Variants in LIMS2 observed in about 807,000 individuals in gnomAD.
LIMS2 encodes LIM zinc finger domain containing 2.
In LIMS2, 30 loss-of-function variants were observed where a neutral mutation model predicts 45.3. The ratio of observed to expected loss-of-function variants is 0.66; its 90% CI spans 0.50 to 0.90. The LOEUF is 0.90. Among genes scored for constraint, LIMS2 ranks in the 40% least tolerant of loss-of-function variants. LIMS2 has a pLI of 0.00. For missense variants in LIMS2, 485 were observed against 468.7 expected (o/e 1.03, Z -0.32); for synonymous variants, 173 against 188.0 (o/e 0.92, Z 0.65).
Position 127,664,696 on chromosome 2 carries a change from G to A in LIMS2, c.12-7134C>T, listed in dbSNP as rs1684912813. The A allele has an allele frequency of 2.4e-6, 2 of 834,224 alleles. No individual in the cohort carries two copies. Among genetic ancestry groups the A allele is most frequent in the Non-Finnish European group, 3.0e-6 (2 of 674,282 alleles). The allele number at this position is 834,224 out of a possible 1,614,324, so 51.7% of individuals were successfully genotyped here. On this transcript the variant is annotated intron_variant, in intron 1 of 9. Transcript: ENST00000355119. This position sits in a 1 kb window ranked among gnomAD's most constrained non-coding sequence, Gnocchi z 5.5. ...GGAAGGCCCCAGACAGCACTGAGGT[G>A]AGGTCCACAGTGGCGGCAGGACACC... is the stretch of plus-strand genomic sequence containing the variant.
chr2:127,677,862 AC>A (rs919397237), upstream of LIMS2, among the ~76,000 whole-genome samples: 30 of 152,218 alleles, frequency 2.0e-4, no homozygotes, highest in African/African-American at 7.2e-4. The surrounding 1 kb of genome is among the most constrained non-coding windows in gnomAD (Gnocchi z 5.0). Flanking sequence ...GGTCTATTAC[AC>A]CCCGGACTGC....
At chr2:127,644,145 T>C (rs1482721648) in intron 4 of LIMS2, 1 of 456,072 alleles carries the variant, frequency 2.2e-6, no homozygotes. Context: ...CATCATCAGC[T>C]GTGTGCAGGG....
At chr2:127,675,877 G>T (rs553461003), upstream of LIMS2, among the ~76,000 whole-genome samples, 126 of 152,344 alleles carry the variant, frequency 8.3e-4, no homozygotes, top group Non-Finnish European at 1.4e-3. Flanking sequence ...GGGAAATTCC[G>T]ATTTCATCCC....
chr2:127,640,762 G>A (rs1682322571), intron 7 of LIMS2, 134 bp downstream of exon 7: 1 of 752,764 alleles, frequency 1.3e-6, no homozygotes, highest in African/African-American at 1.7e-5. Context: ...CCAGGAGCCA[G>A]GGCTGAGGGT....
rs1173758518 is a variant in LIMS2, at chr2:127,653,960, G to A, written c.359+464C>T. On this transcript the variant is annotated intron_variant, in intron 4 of 9. Transcript: ENST00000355119. The surrounding 1 kb of genome is among the most constrained non-coding windows in gnomAD (Gnocchi z 5.3). ...TCTCAGAGCTAGGGCCAGGGGAGGTGGGAGACAAGGCCACCTGCTATAGGG... is the reference window on the plus strand; with the variant it reads ...TCTCAGAGCTAGGGCCAGGGGAGGTAGGAGACAAGGCCACCTGCTATAGGG... Among the ~76,000 whole-genome samples, 1 of 152,076 alleles carries A rather than the reference G, an allele frequency of 6.6e-6. No individual in the cohort carries two copies. Among genetic ancestry groups the A allele is most frequent in the East Asian group, 1.9e-4 (1 of 5,178 alleles).
chr2:127,649,984 C>T (rs761838233), intron 4 of LIMS2: 6 of 1,595,702 alleles, frequency 3.8e-6, no homozygotes, highest in Non-Finnish European at 5.1e-6. Flanking sequence ...CAGGCTTCTC[C>T]TAAACACAGG....
At chr2:127,650,318 C>T in intron 4 of LIMS2, 1 of 564,622 alleles carries the variant, frequency 1.8e-6, no homozygotes, top group East Asian at 3.0e-5. Context: ...TGCCCCCGCC[C>T]CTCACCACCC....
intron 1 of LIMS2, among the ~76,000 whole-genome samples, chr2:127,661,369 A>T (rs949203380): frequency 6.6e-6 from 1 of 152,258 alleles, no homozygotes; most frequent in African/African-American, 2.4e-5. Context: ...AGCGCTGGAT[A>T]AGGAGAACTG....
In LIMS2 at chr2:127,642,350, T is replaced by G; in HGVS notation, c.510-151A>C. ...AGCGCCTTCTGATCTCTGGGCACTT[T>G]GAAGACTTCCTGTGCCCCAGACAGG... On this transcript the variant is annotated intron_variant, in intron 5 of 9. Coordinates refer to ENST00000355119, the MANE Select transcript of LIMS2 (RefSeq NM_001161403.3). The surrounding 1 kb of genome is among the most constrained non-coding windows in gnomAD (Gnocchi z 5.3). 1.2e-6 allele frequency: 1 copy of G among 859,380 alleles called. No homozygotes were observed. Among genetic ancestry groups the G allele is most frequent in the Non-Finnish European group, 1.7e-6 (1 of 588,206 alleles). 53.2% of individuals were successfully genotyped at this position (859,380 alleles called of 1,614,324 possible). A position where few individuals can be genotyped will look rare whatever the true frequency, so the allele number is the denominator to read the frequency against.
chr2:127,659,123 G>A (rs759194244), intron 1 of LIMS2, among the ~76,000 whole-genome samples: 42 of 152,280 alleles, frequency 2.8e-4, no homozygotes, highest in East Asian at 1.9e-3. Context: ...AGGCTGCTGC[G>A]AAATGGAGAT....
At chr2:127,655,461 G>A (rs1346816385) in intron 2 of LIMS2, 2 of 159,074 alleles carry the variant, frequency 1.3e-5, no homozygotes, top group Non-Finnish European at 2.8e-5. Flanking sequence ...GGCCACAAGC[G>A]GGGCCAAAGC....
intron 1 of LIMS2, among the ~76,000 whole-genome samples, chr2:127,658,326 G>A (rs1351123669): frequency 6.6e-6 from 1 of 152,228 alleles, no homozygotes; most frequent in African/African-American, 2.4e-5. Context: ...TTGAGCCTGG[G>A]AGGCCGAGGC....
In LIMS2 at chr2:127,664,350, C is replaced by T; in HGVS notation, c.12-6788G>A. On this transcript the variant is annotated intron_variant, in intron 1 of 9. Transcript: ENST00000355119. The surrounding 1 kb of genome is among the most constrained non-coding windows in gnomAD (Gnocchi z 5.5). ...TCTGCCGGTGCTGGCGCCGCCGGTA[C>T]AGCCCCGACGCGGCCAGCGCACCCA... 4.9e-6 allele frequency: 6 copies of T among 1,224,548 alleles called. No individual in the cohort carries two copies. Among genetic ancestry groups the T allele is most frequent in the Non-Finnish European group, 6.1e-6 (6 of 983,688 alleles). The allele number at this position is 1,224,548 out of a possible 1,614,324, so 75.9% of individuals were successfully genotyped here. A position where few individuals can be genotyped will look rare whatever the true frequency, so the allele number is the denominator to read the frequency against.
intron 4 of LIMS2, chr2:127,645,947 C>G (rs1047182702): frequency 6.5e-6 from 1 of 152,680 alleles, no homozygotes; most frequent in Non-Finnish European, 1.5e-5. Flanking sequence ...CAGTCACACA[C>G]TCAGACTATG....
chr2:127,642,197 T>C lies in LIMS2; in HGVS notation c.512A>G (p.Lys171Arg). ...CTCGCGGGCCTCGGCTGTCAGCTCC[T>C]TCCTGGAAGACAGCGTGCAGCCCCC... ...PDHFNCTHCG[K>R]ELTAEARELK... The change falls in exon 6 of 10, where the codon AAG becomes AGG. Residue 171 changes from lysine (K) to arginine (R), a missense_variant and splice_region_variant. By Grantham distance (26) the Lys-to-Arg change is conservative. Coordinates refer to ENST00000355119, the MANE Select transcript of LIMS2 (RefSeq NM_001161403.3). This position sits in a 1 kb window ranked among gnomAD's most constrained non-coding sequence, Gnocchi z 5.3. 1 of 1,552,014 alleles carries C rather than the reference T, an allele frequency of 6.4e-7. No homozygotes were observed. The highest frequency in any genetic ancestry group is 1.2e-5 in the South Asian group (1 of 84,310).
chr2:127,680,441 A>G (rs903709164), upstream of LIMS2, among the ~76,000 whole-genome samples: 1 of 152,200 alleles, frequency 6.6e-6, no homozygotes, highest in African/African-American at 2.4e-5. Context: ...CAGCAGAGCA[A>G]TCTCCTGTCT....
chr2:127,666,673 T>C (rs1231397646), intron 1 of LIMS2, among the ~76,000 whole-genome samples: 2 of 144,948 alleles, frequency 1.4e-5, no homozygotes, highest in Non-Finnish European at 3.0e-5. Context: ...TGAGACTCGG[T>C]AAATTATAAA....
At position 127,640,932 on chromosome 2, in the gene LIMS2, C is replaced by G; in HGVS notation, c.717G>C (p.Lys239Asn). 6.2e-7 allele frequency: 1 copy of G among 1,613,990 alleles called. No individual in the cohort carries two copies. Among genetic ancestry groups the G allele is most frequent in the Non-Finnish European group, 8.5e-7 (1 of 1,179,950 alleles). Reference sequence around the variant, plus strand: ...GAGTCTCGCAGTAGGCCAGGCCCTTCTTCTCATAGTGCCGGTGCCCCAGGA... The same window carrying G: ...GAGTCTCGCAGTAGGCCAGGCCCTTGTTCTCATAGTGCCGGTGCCCCAGGA... ...KPFLGHRHYE[K>N]KGLAYCETHY... is the part of the protein sequence containing the mutation. The change falls in exon 7 of 10, where the codon AAG (lysine) becomes AAC (asparagine). Residue 239 changes from lysine to asparagine, a missense_variant. Transcript: ENST00000355119.
Position 127,675,451 on chromosome 2 carries a change from C to G in LIMS2, c.-427G>C, listed in dbSNP as rs1242258660. On this transcript the variant is annotated 5_prime_UTR_variant, in exon 1 of 10. Coordinates refer to ENST00000355119, the MANE Select transcript of LIMS2 (RefSeq NM_001161403.3). ...AGGGTGGGCCCCGCTCCCGCACAGC[C>G]CCAGCTCCAGGGACACGGAGCGCGG... is the stretch of plus-strand genomic sequence containing the variant. 6.6e-6 allele frequency among the ~76,000 whole-genome samples: 1 copy of G among 151,962 alleles called. No homozygotes were observed. The highest frequency in any genetic ancestry group is 2.1e-4 in the South Asian group (1 of 4,830).
Sources: allele counts gnomAD v4.1 joint callset (sites outside exome capture counted in the v4.1 genomes callset), GRCh38; gene constraint gnomAD v4.1.1; non-coding constraint Gnocchi (gnomAD v3.1); transcripts MANE v1.5; gene names NCBI Gene and HGNC (gene_info 2026-07-23, HGNC 2026-07-21).